Variants in TBC1D5 observed in about 807,000 individuals in gnomAD.
The protein encoded by TBC1D5 is TBC1 domain family member 5.
TBC1D5 carries 75 observed loss-of-function variants against 100.3 expected under a neutral mutation model. The observed-to-expected ratio is 0.75, with a 90% CI of 0.62 to 0.91. TBC1D5 has a LOEUF of 0.91. Among genes scored for constraint, TBC1D5 ranks in the 40% least tolerant of loss-of-function variants. TBC1D5 has a pLI of 0.00. For missense variants in TBC1D5, 910 were observed against 942.4 expected (o/e 0.97, Z 0.45); for synonymous variants, 323 against 325.6 (o/e 0.99, Z 0.09).
At chr3:17,705,625 G>A (rs2074029861) in intron 1 of TBC1D5, among the ~76,000 whole-genome samples, 3 of 131,372 alleles carry the variant, frequency 2.3e-5, no homozygotes, top group African/African-American at 8.5e-5. Flanking sequence ...GCGGGGCAGA[G>A]GCGCTCCCCA....
At chr3:17,169,090 C>G (rs1356105333) in intron 19 of TBC1D5, among the ~76,000 whole-genome samples, 2 of 152,180 alleles carry the variant, frequency 1.3e-5, no homozygotes, top group Non-Finnish European at 2.9e-5. Context: ...ACTAAAGAAG[C>G]CCCCAAATGA....
At chr3:17,528,091 AC>A (rs2096163242) in intron 2 of TBC1D5, among the ~76,000 whole-genome samples, 1 of 152,058 alleles carries the variant, frequency 6.6e-6, no homozygotes. Flanking sequence ...ACAAGGTCTC[AC>A]CCTGTCGCCC....
intron 14 of TBC1D5, among the ~76,000 whole-genome samples, chr3:17,305,546 A>T (rs2083314374): frequency 6.6e-6 from 1 of 152,192 alleles, no homozygotes; most frequent in African/African-American, 2.4e-5. Flanking sequence ...TTGCAAAATT[A>T]AATCTGTAGC....
chr3:17,522,458 G>C (rs751286089), intron 2 of TBC1D5, among the ~76,000 whole-genome samples: 2 of 152,006 alleles, frequency 1.3e-5, no homozygotes, highest in Admixed American at 6.6e-5. Context: ...AATTATAAAA[G>C]AACACAATAC....
intron 21 of TBC1D5, among the ~76,000 whole-genome samples, chr3:17,164,007 T>C (rs2066346573): frequency 6.6e-6 from 1 of 152,114 alleles, no homozygotes; most frequent in Non-Finnish European, 1.5e-5. Flanking sequence ...CTGATTTGAG[T>C]TAGTTCATCA....
chr3:17,600,284 G>A (rs891115622), intron 2 of TBC1D5, among the ~76,000 whole-genome samples: 1 of 152,100 alleles, frequency 6.6e-6, no homozygotes, highest in South Asian at 2.1e-4. Flanking sequence ...CAACTGAATT[G>A]TCAGGTTTGC....
intron 19 of TBC1D5, among the ~76,000 whole-genome samples, chr3:17,180,675 T>A (rs375272231): frequency 1.2e-4 from 18 of 152,014 alleles, no homozygotes; most frequent in African/African-American, 4.3e-4. Context: ...CACTCAGAAA[T>A]AGTCAAATTC....
Position 17,351,447 on chromosome 3 carries a change from GA to G in TBC1D5, c.995+20627del, listed in dbSNP as rs528382029. Among the ~76,000 whole-genome samples, 179 of 152,260 alleles carry G rather than the reference GA, an allele frequency of 1.2e-3. 1 individual carries two copies. The highest frequency in any genetic ancestry group is 2.3e-3 in the South Asian group (11 of 4,826). On this transcript the variant is annotated intron_variant, in intron 13 of 21. Coordinates refer to ENST00000253692, the Ensembl canonical transcript of TBC1D5. ...CTTTTCAGCGACATGGATGAGGCTG[GA>G]AACCATCATTCTCAGCAAACTAACA...
chr3:17,618,352 G>A (rs956192213), intron 2 of TBC1D5, among the ~76,000 whole-genome samples: 2 of 152,192 alleles, frequency 1.3e-5, no homozygotes, highest in Non-Finnish European at 2.9e-5. Context: ...GGCTACATGG[G>A]GGTCAGGGAC....
chr3:17,233,693 T>C lies in TBC1D5; in HGVS notation c.1588+4470A>G. 2.0e-6 allele frequency: 3 copies of C among 1,528,984 alleles called. No individual in the cohort carries two copies. In the South Asian group the frequency reaches 3.6e-5, roughly 19 times the overall value. The allele number at this position is 1,528,984 out of a possible 1,614,324, so 94.7% of individuals were successfully genotyped here. On this transcript the variant is annotated intron_variant, in intron 17 of 21. Transcript: ENST00000253692. Reference sequence around the variant, plus strand: ...TGTTATGGTAACTGTACCTTGGAGGTCAGTTAGAGTCTGGACAGGAACAGA... The same window carrying C: ...TGTTATGGTAACTGTACCTTGGAGGCCAGTTAGAGTCTGGACAGGAACAGA...
At chr3:17,190,368 G>A (rs989935461) in intron 18 of TBC1D5, among the ~76,000 whole-genome samples, 1 of 152,182 alleles carries the variant, frequency 6.6e-6, no homozygotes, top group African/African-American at 2.4e-5. Context: ...ATTTGTGTAT[G>A]TGGAAAGGAA....
intron 3 of TBC1D5, among the ~76,000 whole-genome samples, chr3:17,457,717 G>A (rs76926212): frequency 0.062 from 9,402 of 151,046 alleles, 552 homozygotes; most frequent in African/African-American, 0.16. Flanking sequence ...TTTCTTGCGC[G>A]TTCATATGCT....
At chr3:17,341,826 C>A (rs1461771789) in intron 13 of TBC1D5, among the ~76,000 whole-genome samples, 1 of 152,144 alleles carries the variant, frequency 6.6e-6, no homozygotes, top group East Asian at 1.9e-4. Flanking sequence ...ATTCTTCTGA[C>A]ACAGAACTCA....
intron 3 of TBC1D5, among the ~76,000 whole-genome samples, chr3:17,463,586 A>G (rs1424905703): frequency 6.6e-6 from 1 of 152,226 alleles, no homozygotes; most frequent in Non-Finnish European, 1.5e-5. Context: ...AAAATACTTA[A>G]ATATAATATT....
rs1009391210 is a variant in TBC1D5, at chr3:17,730,160, C to T, written c.-101+9183G>A. 4.6e-5 allele frequency among the ~76,000 whole-genome samples: 7 copies of T among 151,986 alleles called. No individual in the cohort carries two copies. The South Asian group carries it at 1.0e-3, about 23-fold the overall frequency. ...TGTTGTACTTTGATTCTTAAGAAGA[C>T]GAAAGTATAGACAGGAATTAATTCA... On this transcript the variant is annotated intron_variant, in intron 1 of 21. Transcript: ENST00000253692.
Position 17,692,489 on chromosome 3 carries a change from C to G in TBC1D5, c.-101+46854G>C, listed in dbSNP as rs578227383. Among the ~76,000 whole-genome samples, 304 of 151,984 alleles carry G rather than the reference C, an allele frequency of 2.0e-3. 1 individual carries two copies. The highest frequency in any genetic ancestry group is 2.7e-3 in the Non-Finnish European group (185 of 67,948). ...CCATCTAAAATGCAATTCAAAGACA[C>G]AGAAAAAAACTATGTAAGAGCAGTC... On this transcript the variant is annotated intron_variant, in intron 1 of 21. Coordinates refer to ENST00000253692, the Ensembl canonical transcript of TBC1D5.
At chr3:17,472,287 C>T (rs751683206) in intron 3 of TBC1D5, among the ~76,000 whole-genome samples, 17 of 151,744 alleles carry the variant, frequency 1.1e-4, no homozygotes, top group African/African-American at 2.4e-4. Context: ...TACAGGCACG[C>T]GCCACCACAC....
At chr3:17,529,194 T>C (rs546502742) in intron 2 of TBC1D5, among the ~76,000 whole-genome samples, 13 of 132,642 alleles carry the variant, frequency 9.8e-5, no homozygotes, top group Non-Finnish European at 1.5e-4. Context: ...TGTGTGGCCC[T>C]TTAGCCACCA....
intron 1 of TBC1D5, among the ~76,000 whole-genome samples, chr3:17,707,390 TAAC>T (rs1049696367): frequency 3.3e-5 from 5 of 152,306 alleles, no homozygotes; most frequent in African/African-American, 1.2e-4. Context: ...AAATGTTAGT[TAAC>T]AAGATTTTTA....
Sources: allele counts gnomAD v4.1 joint callset (sites outside exome capture counted in the v4.1 genomes callset), GRCh38; gene constraint gnomAD v4.1.1; transcripts MANE v1.5; gene names NCBI Gene and HGNC (gene_info 2026-07-23, HGNC 2026-07-21).